Variants in TLK1 observed in about 807,000 individuals in gnomAD.
The protein encoded by TLK1 is serine/threonine-protein kinase tousled-like 1.
In TLK1, 24 loss-of-function variants were observed where a neutral mutation model predicts 105.3. That is an observed-to-expected ratio of 0.23 (90% confidence interval 0.17 to 0.32). TLK1 has a LOEUF of 0.32. Ranked by LOEUF, TLK1 falls within the 10% of genes least tolerant of loss-of-function variation. The pLI is 1.00. For synonymous variants in TLK1, 321 were observed against 310.4 expected, an observed-to-expected ratio of 1.03 and a Z score of -0.36; for missense variants, 558 against 910.5, an observed-to-expected ratio of 0.61 and a Z score of 4.98.
At chr2:171,117,998 T>C in intron 1 of TLK1, 141 bp from the exon 2 acceptor site, 1 of 510,540 alleles carries the variant, frequency 2.0e-6, no homozygotes, top group Admixed American at 3.9e-5. Context: ...TTGAGAGACT[T>C]TATTTTTAAA....
At chr2:171,187,808 T>G (rs1197711535) in intron 1 of TLK1, among the ~76,000 whole-genome samples, 2 of 152,198 alleles carry the variant, frequency 1.3e-5, no homozygotes, top group Admixed American at 1.3e-4. Context: ...AGAACTCTCT[T>G]TGTTATATAG....
intron 1 of TLK1, among the ~76,000 whole-genome samples, chr2:171,222,075 C>G (rs532523104): frequency 5.3e-5 from 8 of 152,228 alleles, no homozygotes; most frequent in Non-Finnish European, 1.2e-4. Context: ...TACATATGTC[C>G]CTTTTGAGTG....
chr2:171,101,618 T>A (rs1558942437), intron 2 of TLK1, among the ~76,000 whole-genome samples: 1 of 152,180 alleles, frequency 6.6e-6, no homozygotes, highest in Non-Finnish European at 1.5e-5. Flanking sequence ...AAATGAGTCA[T>A]TTTGATGGTA....
At chr2:171,069,352 G>A (rs577204035) in intron 3 of TLK1, among the ~76,000 whole-genome samples, 164 of 152,306 alleles carry the variant, frequency 1.1e-3, no homozygotes, top group Non-Finnish European at 1.8e-3. Context: ...ATTTAGACAT[G>A]TAAAACTTAA....
intron 20 of TLK1, among the ~76,000 whole-genome samples, chr2:170,994,538 CA>C (rs11397597): frequency 1.6e-3 from 211 of 129,394 alleles, no homozygotes; most frequent in East Asian, 4.2e-3. Context: ...TAGCCTCTTA[CA>C]AAAAAAAAAA....
At chr2:171,074,211 T>C (rs1158093421) in intron 3 of TLK1, among the ~76,000 whole-genome samples, 2 of 152,174 alleles carry the variant, frequency 1.3e-5, no homozygotes, top group African/African-American at 4.8e-5. Flanking sequence ...TTTTTTATGT[T>C]ACAAAATAAT....
chr2:171,014,800 G>A, intron 13 of TLK1, 51 bp downstream of exon 13: 3 of 1,280,928 alleles, frequency 2.3e-6, no homozygotes, highest in South Asian at 1.2e-5. Context: ...TCTATGGGGG[G>A]CGGGGGTAGT....
intron 2 of TLK1, among the ~76,000 whole-genome samples, chr2:171,086,727 AG>A (rs2105482895): frequency 6.6e-6 from 1 of 152,268 alleles, no homozygotes; most frequent in African/African-American, 2.4e-5. Flanking sequence ...GCTGAGGGGA[AG>A]GTCCCGGAGA....
At chr2:171,090,283 T>C (rs1384782892) in intron 2 of TLK1, among the ~76,000 whole-genome samples, 1 of 152,188 alleles carries the variant, frequency 6.6e-6, no homozygotes, top group Non-Finnish European at 1.5e-5. Context: ...TTTCTACTTA[T>C]TTGTTGTTGA....
intron 11 of TLK1, among the ~76,000 whole-genome samples, chr2:171,043,394 CGAA>C (rs1411071663): frequency 6.6e-6 from 1 of 152,048 alleles, no homozygotes; most frequent in African/African-American, 2.4e-5. Context: ...GGCTAGATAA[CGAA>C]GAAGGAGCCA....
chr2:171,045,102 G>T (rs1686883733), intron 11 of TLK1: 1 of 152,020 alleles, frequency 6.6e-6, no homozygotes, highest in South Asian at 2.1e-4. Flanking sequence ...CACAAAGGAG[G>T]TATCAACAGA....
chr2:171,197,164 T>C (rs1693291321), intron 1 of TLK1, among the ~76,000 whole-genome samples: 2 of 152,142 alleles, frequency 1.3e-5, no homozygotes, highest in South Asian at 2.1e-4. Context: ...TATGGTCTAA[T>C]GGTGGTGAAA....
chr2:171,057,351 T>C (rs778281441), intron 5 of TLK1, among the ~76,000 whole-genome samples: 3 of 152,038 alleles, frequency 2.0e-5, no homozygotes, highest in Non-Finnish European at 4.4e-5. Context: ...AACCTAGGGA[T>C]TTTGCCTTAT....
intron 2 of TLK1, among the ~76,000 whole-genome samples, chr2:171,110,093 G>A (rs573184020): frequency 6.6e-6 from 1 of 152,154 alleles, no homozygotes; most frequent in Admixed American, 6.5e-5. Context: ...AATCTAAGAG[G>A]GGGGAATACG....
At chr2:171,137,439 C>A (rs1241989019) in intron 1 of TLK1, among the ~76,000 whole-genome samples, 1 of 152,008 alleles carries the variant, frequency 6.6e-6, no homozygotes, top group African/African-American at 2.4e-5. Context: ...AAAGCCATAG[C>A]CTTTTCTGTG....
At chr2:171,201,977 T>C (rs924342791) in intron 1 of TLK1, among the ~76,000 whole-genome samples, 1 of 152,174 alleles carries the variant, frequency 6.6e-6, no homozygotes, top group Admixed American at 6.5e-5. Flanking sequence ...TCTATCTATC[T>C]AGGCAATTTG....
chr2:171,112,525 C>T (rs1229466377), intron 2 of TLK1, among the ~76,000 whole-genome samples: 2 of 152,144 alleles, frequency 1.3e-5, no homozygotes, highest in African/African-American at 4.8e-5. Context: ...AAACATTACA[C>T]TTAATAAAGA....
intron 7 of TLK1, chr2:171,054,562 A>G (rs992714702): frequency 6.6e-6 from 1 of 152,456 alleles, no homozygotes; most frequent in Middle Eastern, 3.2e-3. Context: ...ATAAACTGTC[A>G]AGCTGAGCTT....
chr2:171,164,806 A>G (rs1692576434), upstream of TLK1, among the ~76,000 whole-genome samples: 3 of 152,150 alleles, frequency 2.0e-5, no homozygotes, highest in African/African-American at 7.2e-5. Context: ...GTATATGGGC[A>G]TTCAAAAAAT....
Sources: gnomAD v4.1 joint callset for allele counts (sites outside exome capture counted in the v4.1 genomes callset) on GRCh38, gnomAD v4.1.1 for gene constraint, MANE v1.5 for transcripts, NCBI Gene and HGNC (gene_info 2026-07-23, HGNC 2026-07-21) for gene names.